PTPN3: variants seen among roughly 807,000 people sequenced by gnomAD.
PTPN3 encodes the protein protein tyrosine phosphatase non-receptor type 3.
In PTPN3, 96 loss-of-function variants were observed where a neutral mutation model predicts 132.7. The ratio of observed to expected loss-of-function variants is 0.72; its 90% CI spans 0.61 to 0.86. The LOEUF is 0.86. PTPN3 is among the 40% of genes least tolerant of loss of function. PTPN3 has a pLI of 0.00. For missense variants in PTPN3, 1,125 were observed against 1,159.6 expected (o/e 0.97, Z 0.43); for synonymous variants, 398 against 429.0 (o/e 0.93, Z 0.89).
the PTPN3 span, among the ~76,000 whole-genome samples, chr9:109,537,888 C>T: frequency 6.6e-5 from 10 of 152,192 alleles, no homozygotes; most frequent in African/African-American, 2.4e-4. Context: ...TCTGAATGAG[C>T]CAAAACCATG....
At chr9:109,464,950 G>A (rs1432036830) in intron 1 of PTPN3, among the ~76,000 whole-genome samples, 2 of 152,198 alleles carry the variant, frequency 1.3e-5, no homozygotes, top group African/African-American at 4.8e-5. Flanking sequence ...TGCATTTTCT[G>A]AGATGCTTTT....
At chr9:109,464,013 G>A (rs921215642) in intron 1 of PTPN3, among the ~76,000 whole-genome samples, 2 of 152,054 alleles carry the variant, frequency 1.3e-5, no homozygotes, top group South Asian at 2.1e-4. Context: ...TAGAAAACAG[G>A]AAGAAAACAA....
the PTPN3 span, chr9:109,534,245 T>G: frequency 6.7e-7 from 1 of 1,487,058 alleles, no homozygotes; most frequent in Non-Finnish European, 9.2e-7. Context: ...CTGCCCGTAG[T>G]GCCGGGCGTG....
At chr9:109,391,631 A>T in intron 19 of PTPN3, 70 bp from the exon 20 acceptor site, 1 of 1,273,512 alleles carries the variant, frequency 7.9e-7, no homozygotes, top group Non-Finnish European at 1.1e-6. Flanking sequence ...AACATACTTT[A>T]TCATTCACAG....
chr9:109,470,286 G>A (rs1846312673), intron 1 of PTPN3, among the ~76,000 whole-genome samples: 1 of 152,146 alleles, frequency 6.6e-6, no homozygotes, highest in African/African-American at 2.4e-5. Context: ...ATGCTGGGTT[G>A]CATTATGTGG....
rs563864035 is a variant in PTPN3 at position 109,458,898 on chromosome 9, T to G, written c.139-1499A>C. Among the ~76,000 whole-genome samples the G allele has an allele frequency of 3.3e-5, 5 of 152,356 alleles. No individual in the cohort carries two copies. The East Asian group carries it at 9.6e-4, about 29-fold the overall frequency. ...CTGAACATCTACAAGGAGCCAGACA[T>G]TATGCCAATGTGCTTTTTATATATG... On this transcript the variant is annotated intron_variant, in intron 2 of 25. Transcript: ENST00000374541.
chr9:109,445,427 G>A (rs1844786945), intron 6 of PTPN3, 135 bp from the exon 7 acceptor site: 4 of 773,406 alleles, frequency 5.2e-6, no homozygotes, highest in Non-Finnish European at 8.8e-6. Flanking sequence ...TGTAACAAAA[G>A]CAACTTTATG....
At chr9:109,500,943 A>G (rs1289602240), upstream of PTPN3, among the ~76,000 whole-genome samples, 3 of 152,162 alleles carry the variant, frequency 2.0e-5, no homozygotes, top group Non-Finnish European at 1.5e-5. Flanking sequence ...AAAAAAAAAA[A>G]AAAAGCTAAA....
At chr9:109,533,337 G>A in the PTPN3 span, 2 of 498,702 alleles carry the variant, frequency 4.0e-6, no homozygotes, top group Non-Finnish European at 7.3e-6. Flanking sequence ...GTAGAGACGG[G>A]GTTTCACCTT....
chr9:109,409,872 T>C, intron 16 of PTPN3, 127 bp downstream of exon 16: 2 of 1,414,442 alleles, frequency 1.4e-6, no homozygotes, highest in East Asian at 2.5e-5. Context: ...CCCCCAACTC[T>C]CAATTCTGAG....
intron 10 of PTPN3, among the ~76,000 whole-genome samples, chr9:109,432,208 G>A (rs1052878799): frequency 6.6e-6 from 1 of 151,718 alleles, no homozygotes; most frequent in African/African-American, 2.4e-5. Flanking sequence ...TGTGTTTCAG[G>A]TAATGAAATT....
At chr9:109,478,388 T>G (rs1846791875) in intron 1 of PTPN3, among the ~76,000 whole-genome samples, 1 of 152,104 alleles carries the variant, frequency 6.6e-6, no homozygotes, top group Non-Finnish European at 1.5e-5. Context: ...GTTATGACTC[T>G]ACGATATTCC....
Position 109,379,170 on chromosome 9 carries a change from A to G in PTPN3, c.*386T>C, listed in dbSNP as rs568281493. On this transcript the variant is annotated 3_prime_UTR_variant, in exon 26 of 26. Coordinates refer to ENST00000374541, the MANE Select transcript of PTPN3 (RefSeq NM_002829.4). The stretch of plus-strand genomic sequence containing the variant: ...TCTGACACACAGAAACAAACAAAAC[A>G]TCCAAATGACCCAAGATAACCACAC... The G allele has an allele frequency of 3.2e-5, 6 of 187,582 alleles. No individual in the cohort carries two copies. In the South Asian group the frequency reaches 7.6e-4, roughly 24 times the overall value. The allele number at this position is 187,582 out of a possible 1,614,324, so 11.6% of individuals were successfully genotyped here.
the PTPN3 span, among the ~76,000 whole-genome samples, chr9:109,513,209 A>G: frequency 6.6e-6 from 1 of 152,108 alleles, no homozygotes; most frequent in South Asian, 2.1e-4. Context: ...TAGTAGAGAC[A>G]AAGTCCTGCT....
At chr9:109,438,053 A>G in intron 8 of PTPN3, 61 bp downstream of exon 8, 1 of 1,537,842 alleles carries the variant, frequency 6.5e-7, no homozygotes, top group Non-Finnish European at 8.8e-7. Flanking sequence ...ACACAAAGGG[A>G]TATGATGTCT....
At chr9:109,527,796 A>G in the PTPN3 span, among the ~76,000 whole-genome samples, 1 of 152,224 alleles carries the variant, frequency 6.6e-6, no homozygotes, top group South Asian at 2.1e-4. Flanking sequence ...TCCATTCATC[A>G]AAAGGCACAA....
intron 9 of PTPN3, among the ~76,000 whole-genome samples, chr9:109,433,932 A>G (rs990362470): frequency 3.3e-5 from 5 of 151,376 alleles, no homozygotes; most frequent in Non-Finnish European, 7.4e-5. Context: ...AAAAAAAAAA[A>G]AAAAAAAAAA....
chr9:109,485,222 A>G (rs1208621163), intron 1 of PTPN3, among the ~76,000 whole-genome samples: 1 of 151,938 alleles, frequency 6.6e-6, no homozygotes, highest in Non-Finnish European at 1.5e-5. Context: ...AAAAATAAAA[A>G]GTCGGCCGGG....
chr9:109,389,020 G>T (rs1367153593), intron 22 of PTPN3, among the ~76,000 whole-genome samples: 2 of 152,186 alleles, frequency 1.3e-5, no homozygotes, highest in Non-Finnish European at 2.9e-5. Flanking sequence ...GTGCCTTCTG[G>T]CTTGTTGTAA....
Sources: allele counts gnomAD v4.1 joint callset (sites outside exome capture counted in the v4.1 genomes callset), GRCh38; gene constraint gnomAD v4.1.1; transcripts MANE v1.5; gene names NCBI Gene and HGNC (gene_info 2026-07-23, HGNC 2026-07-21).